Variants in ATG5 observed in about 807,000 individuals in gnomAD.
ATG5 encodes autophagy related 5.
A neutral mutation model predicts 36.5 loss-of-function variants in ATG5; 14 were observed. That is an observed-to-expected ratio of 0.38 (90% confidence interval 0.25 to 0.60). ATG5 has a LOEUF of 0.60. Ranked by LOEUF, ATG5 falls within the 20% of genes least tolerant of loss-of-function variation. The probability of loss-of-function intolerance (pLI) is 0.60; values close to 1 mark genes in which losing one functional copy is unlikely to be tolerated. For synonymous variants in ATG5, 95 were observed against 101.5 expected (o/e 0.94, Z 0.38); for missense variants, 195 against 326.7 (o/e 0.60, Z 3.11).
chr6:106,250,081 C>T (rs964145785), intron 5 of ATG5, among the ~76,000 whole-genome samples: 1 of 152,026 alleles, frequency 6.6e-6, no homozygotes, highest in Non-Finnish European at 1.5e-5. Flanking sequence ...CCCAGAATCC[C>T]ACCTTATAAT....
intron 1 of ATG5, among the ~76,000 whole-genome samples, chr6:106,316,861 T>C (rs1418344946): frequency 6.6e-6 from 1 of 152,148 alleles, no homozygotes; most frequent in Non-Finnish European, 1.5e-5. Flanking sequence ...CTTCCTTTTG[T>C]AAACCCTCTA....
At chr6:106,207,647 C>T (rs1343868078) in intron 6 of ATG5, among the ~76,000 whole-genome samples, 1 of 152,002 alleles carries the variant, frequency 6.6e-6, no homozygotes, top group Non-Finnish European at 1.5e-5. Flanking sequence ...GTTGATAAAA[C>T]AAGAAATGAT....
intron 5 of ATG5, among the ~76,000 whole-genome samples, chr6:106,254,386 T>TCTTCAGCCCTAGAAAGTTCTACGTA (rs1303026966): frequency 6.6e-6 from 1 of 152,206 alleles, no homozygotes; most frequent in East Asian, 1.9e-4. Context: ...AAAGACTTTA[T>TCTTCAGCCCTAGAAAGTTCTACGTA]CTTCAGCCCT....
intron 4 of ATG5, among the ~76,000 whole-genome samples, chr6:106,290,388 A>G (rs994743298): frequency 6.6e-6 from 1 of 151,828 alleles, no homozygotes; most frequent in East Asian, 1.9e-4. Flanking sequence ...TTGTCTGATC[A>G]TGGCTCACTC....
intron 7 of ATG5, among the ~76,000 whole-genome samples, chr6:106,189,624 CA>C (rs1215489703): frequency 2.7e-5 from 3 of 113,038 alleles, no homozygotes; most frequent in South Asian, 6.4e-4. Context: ...TGTGTAAAAA[CA>C]AAAAATTAAT....
At chr6:106,316,353 T>C in intron 1 of ATG5, 87 bp from the exon 2 acceptor site, 2 of 479,946 alleles carry the variant, frequency 4.2e-6, no homozygotes, top group Non-Finnish European at 7.1e-6. Context: ...AAAAAATCCA[T>C]GCCATAAAGA....
intron 2 of ATG5, among the ~76,000 whole-genome samples, chr6:106,309,774 C>T (rs1401914873): frequency 1.3e-5 from 2 of 152,092 alleles, no homozygotes. Flanking sequence ...AAAACAGCGT[C>T]GCAAACTAGC....
chr6:106,313,442 G>A (rs575415947), intron 2 of ATG5, among the ~76,000 whole-genome samples: 1 of 152,298 alleles, frequency 6.6e-6, no homozygotes, highest in South Asian at 2.1e-4. Context: ...TGATGACCAT[G>A]GGTCCAATCA....
At chr6:106,236,367 G>C (rs966732647) in intron 6 of ATG5, among the ~76,000 whole-genome samples, 14 of 152,164 alleles carry the variant, frequency 9.2e-5, no homozygotes, top group Non-Finnish European at 2.1e-4. Context: ...TGTTGGATCA[G>C]AAAGTAAGCA....
chr6:106,205,454 G>C (rs73776558), intron 6 of ATG5, among the ~76,000 whole-genome samples: 3,746 of 152,216 alleles, frequency 0.025, 64 homozygotes, highest in African/African-American at 0.049. Flanking sequence ...GCTTGAGGTG[G>C]TGAATATCCT....
chr6:106,314,890 C>A (rs968991142), intron 2 of ATG5, among the ~76,000 whole-genome samples: 1 of 152,068 alleles, frequency 6.6e-6, no homozygotes, highest in African/African-American at 2.4e-5. Context: ...AGATTACTCA[C>A]GTGTATATAA....
At chr6:106,203,275 G>A (rs891708563) in intron 6 of ATG5, among the ~76,000 whole-genome samples, 2 of 152,106 alleles carry the variant, frequency 1.3e-5, no homozygotes, top group Non-Finnish European at 2.9e-5. Flanking sequence ...CCTTAGTGAT[G>A]ATGGAGGCTT....
At chr6:106,276,405 A>C (rs1185382614) in intron 5 of ATG5, among the ~76,000 whole-genome samples, 2 of 150,194 alleles carry the variant, frequency 1.3e-5, no homozygotes, top group Non-Finnish European at 3.0e-5. Context: ...CGGAGCTTGC[A>C]GTGAGCCGAG....
chr6:106,318,214 T>G (rs1770931935), intron 1 of ATG5, among the ~76,000 whole-genome samples: 1 of 152,126 alleles, frequency 6.6e-6, no homozygotes, highest in African/African-American at 2.4e-5. Context: ...TTGGTCAGAT[T>G]CCAGGACACC....
At chr6:106,301,190 A>T (rs541763064) in intron 3 of ATG5, among the ~76,000 whole-genome samples, 6 of 152,100 alleles carry the variant, frequency 3.9e-5, no homozygotes, top group Non-Finnish European at 5.9e-5. Flanking sequence ...ATTTTGAGTT[A>T]GGCCAGCACT....
intron 7 of ATG5, among the ~76,000 whole-genome samples, chr6:106,188,994 TTC>T (rs1411972576): frequency 6.6e-6 from 1 of 152,178 alleles, no homozygotes; most frequent in Non-Finnish European, 1.5e-5. Flanking sequence ...AAACCGAAGT[TTC>T]TCTCTTATTT....
rs1780376895 is a variant in ATG5, at chr6:106,293,015, C to A, written c.315+13G>T. Reference sequence around the variant, plus strand: ...TCACAAATGGGACGAAGGAGAAATGCAATTTACTATACCTTAAAATGTACT... The same window carrying A: ...TCACAAATGGGACGAAGGAGAAATGAAATTTACTATACCTTAAAATGTACT... On this transcript the variant is annotated intron_variant, in intron 4 of 7. Transcript: ENST00000369076. 1 of 1,602,008 alleles carries A rather than the reference C, an allele frequency of 6.2e-7. No individual in the cohort carries two copies. Among genetic ancestry groups the A allele is most frequent in the Non-Finnish European group, 8.5e-7 (1 of 1,172,498 alleles).
At chr6:106,205,154 TATGAA>T (rs1167593940) in intron 6 of ATG5, among the ~76,000 whole-genome samples, 2 of 152,130 alleles carry the variant, frequency 1.3e-5, no homozygotes, top group Non-Finnish European at 2.9e-5. Context: ...GTGACTTGGT[TATGAA>T]CCAAAACCAG....
intron 3 of ATG5, among the ~76,000 whole-genome samples, chr6:106,307,283 A>G (rs1378322340): frequency 6.6e-6 from 1 of 151,948 alleles, no homozygotes; most frequent in Non-Finnish European, 1.5e-5. Context: ...ACCAATTTGT[A>G]TTTTTCATGT....
Sources: gnomAD v4.1 joint callset for allele counts (sites outside exome capture counted in the v4.1 genomes callset) on GRCh38, gnomAD v4.1.1 for gene constraint, MANE v1.5 for transcripts, NCBI Gene and HGNC (gene_info 2026-07-23, HGNC 2026-07-21) for gene names.